TLK1: variants seen among roughly 807,000 people sequenced by gnomAD.
TLK1 encodes the protein serine/threonine-protein kinase tousled-like 1.
Under a neutral mutation model 105.3 loss-of-function variants are expected in TLK1, and 24 were observed. The observed-to-expected ratio is 0.23, with a 90% CI of 0.17 to 0.32. TLK1 has a LOEUF of 0.32. TLK1 is among the 10% of genes least tolerant of loss of function. The probability of loss-of-function intolerance (pLI) is 1.00; values close to 1 mark genes in which losing one functional copy is unlikely to be tolerated. For synonymous variants in TLK1, 321 were observed against 310.4 expected (o/e 1.03, Z -0.36); for missense variants, 558 against 910.5 (o/e 0.61, Z 4.98).
chr2:171,048,626 G>GTGATATCACAATAATCACACAATAATC (rs1687072401), intron 10 of TLK1, among the ~76,000 whole-genome samples: 2 of 151,174 alleles, frequency 1.3e-5, no homozygotes, highest in Admixed American at 6.6e-5. Context: ...CTGCAGAATT[G>GTGATATCACAATAATCACACAATAATC]AAACCCAAAC....
intron 2 of TLK1, among the ~76,000 whole-genome samples, chr2:171,112,100 C>T (rs1014544907): frequency 1.3e-5 from 2 of 152,108 alleles, no homozygotes; most frequent in Non-Finnish European, 2.9e-5. Context: ...TATAGGCAAA[C>T]GCCACCATGC....
chr2:171,036,140 T>C (rs1359545309), intron 11 of TLK1, among the ~76,000 whole-genome samples: 1 of 152,170 alleles, frequency 6.6e-6, no homozygotes, highest in Non-Finnish European at 1.5e-5. Context: ...GAGGCTAGAA[T>C]TTTAAGAAGC....
At chr2:171,104,975 CT>C (rs1363609386) in intron 2 of TLK1, among the ~76,000 whole-genome samples, 2 of 152,184 alleles carry the variant, frequency 1.3e-5, no homozygotes, top group African/African-American at 4.8e-5. Flanking sequence ...AAACTAGCCC[CT>C]ATCTCTCACT....
At chr2:171,123,815 AAAAC>A (rs751982893) in intron 1 of TLK1, among the ~76,000 whole-genome samples, 11 of 152,206 alleles carry the variant, frequency 7.2e-5, no homozygotes, top group South Asian at 2.1e-4. Flanking sequence ...CTTTTGCTTA[AAAAC>A]AAACAAACAA....
At chr2:170,996,930 T>C (rs764841728) in intron 19 of TLK1, among the ~76,000 whole-genome samples, 170 bp from the exon 20 acceptor site, 1 of 152,224 alleles carries the variant, frequency 6.6e-6, no homozygotes, top group African/African-American at 2.4e-5. Context: ...CAAGCTATAA[T>C]TGATAGCAGG....
At chr2:170,996,492 T>C (rs374360153) in intron 20 of TLK1, among the ~76,000 whole-genome samples, 161 bp downstream of exon 20, 1 of 152,194 alleles carries the variant, frequency 6.6e-6, no homozygotes, top group South Asian at 2.1e-4. Context: ...CAGAGGCTGA[T>C]GCAACTCCTT....
At chr2:171,032,140 G>A (rs746353941) in intron 11 of TLK1, among the ~76,000 whole-genome samples, 2 of 152,042 alleles carry the variant, frequency 1.3e-5, no homozygotes, top group Non-Finnish European at 2.9e-5. Context: ...TAACATCATA[G>A]TTAATGGTGA....
chr2:171,156,454 C>A (rs903374133), intron 1 of TLK1, among the ~76,000 whole-genome samples: 11 of 152,166 alleles, frequency 7.2e-5, no homozygotes, highest in African/African-American at 2.4e-4. Flanking sequence ...AAACCTAAAT[C>A]TCTTGGGGTC....
chr2:171,218,283 CAAATAACAACAACAAA>C (rs960530087), intron 1 of TLK1, among the ~76,000 whole-genome samples: 3 of 151,994 alleles, frequency 2.0e-5, no homozygotes, highest in African/African-American at 4.8e-5. Flanking sequence ...ACAACAACAA[CAAATAACAACAACAAA>C]AAAAAAACAG....
rs1185950351 is a variant in TLK1 at position 171,050,253 on chromosome 2, A to G, written c.733-79T>C. On this transcript the variant is annotated intron_variant, in intron 8 of 20. Transcript: ENST00000431350. ...TAGAAATAGTTTTAATGTTCTAAAT[A>G]AATTATATACAGATAGGACTAATAA... The G allele has an allele frequency of 3.1e-6, 3 of 977,994 alleles. No homozygotes were observed. The African/African-American group carries it at 4.9e-5, about 16-fold the overall frequency. 60.6% of individuals were successfully genotyped at this position (977,994 alleles called of 1,614,324 possible). A position where few individuals can be genotyped will look rare whatever the true frequency, so the allele number is the denominator to read the frequency against.
chr2:171,221,099 A>G (rs1693802330), intron 1 of TLK1, among the ~76,000 whole-genome samples: 1 of 152,118 alleles, frequency 6.6e-6, no homozygotes, highest in African/African-American at 2.4e-5. Flanking sequence ...TAAGTAATGG[A>G]CTTGAGTGGC....
At chr2:171,199,142 A>T (rs932418709) in intron 1 of TLK1, among the ~76,000 whole-genome samples, 42 of 152,212 alleles carry the variant, frequency 2.8e-4, no homozygotes, top group African/African-American at 9.9e-4. Context: ...TATATTAGGA[A>T]TGTGCATGTG....
chr2:171,196,841 G>T (rs969493505), intron 1 of TLK1, among the ~76,000 whole-genome samples: 3 of 152,182 alleles, frequency 2.0e-5, no homozygotes, highest in African/African-American at 7.2e-5. Flanking sequence ...TTAAGCATTA[G>T]TTACAAAAGT....
intron 1 of TLK1, among the ~76,000 whole-genome samples, chr2:171,219,940 G>A (rs1693777330): frequency 6.6e-6 from 1 of 152,030 alleles, no homozygotes; most frequent in Non-Finnish European, 1.5e-5. Flanking sequence ...TAATTCATGA[G>A]TGCTCTAACC....
chr2:171,003,432 A>T (rs150768517), intron 18 of TLK1, among the ~76,000 whole-genome samples: 2,694 of 152,194 alleles, frequency 0.018, 40 homozygotes, highest in Non-Finnish European at 0.028. Context: ...TGCAGACCTC[A>T]ATCTATGGTA....
chr2:171,092,944 T>C (rs1047150319), intron 2 of TLK1, among the ~76,000 whole-genome samples: 19 of 152,186 alleles, frequency 1.2e-4, no homozygotes, highest in Admixed American at 1.3e-4. Context: ...AGCTTGCTGA[T>C]ACTGGGCAGT....
At chr2:171,173,502 C>T (rs1692765321) in intron 1 of TLK1, among the ~76,000 whole-genome samples, 1 of 152,088 alleles carries the variant, frequency 6.6e-6, no homozygotes, top group Non-Finnish European at 1.5e-5. Context: ...ATCCTCCCAC[C>T]TCAGCTTCCA....
chr2:171,076,728 T>A (rs1311977460), intron 3 of TLK1, among the ~76,000 whole-genome samples: 1 of 127,988 alleles, frequency 7.8e-6, no homozygotes, highest in Non-Finnish European at 1.6e-5. Flanking sequence ...TGAAACTCCA[T>A]CTCTACTAAA....
intron 1 of TLK1, among the ~76,000 whole-genome samples, chr2:171,216,871 C>T (rs1394709710): frequency 1.3e-5 from 2 of 152,206 alleles, no homozygotes. Context: ...AGCGAACCAT[C>T]AGAAGCTGGA....
Sources: gnomAD v4.1 joint callset for allele counts (sites outside exome capture counted in the v4.1 genomes callset) on GRCh38, gnomAD v4.1.1 for gene constraint, MANE v1.5 for transcripts, NCBI Gene and HGNC (gene_info 2026-07-23, HGNC 2026-07-21) for gene names.